MAGI1: variants seen among roughly 807,000 people sequenced by gnomAD.
MAGI1 encodes membrane-associated guanylate kinase, WW and PDZ domain-containing protein 1.
Under a neutral mutation model 139.9 loss-of-function variants are expected in MAGI1, and 58 were observed. The observed-to-expected ratio is 0.41, with a 90% CI of 0.34 to 0.52. The LOEUF (loss-of-function observed/expected upper bound fraction) is 0.52. Ranked by LOEUF, MAGI1 falls within the 20% of genes least tolerant of loss-of-function variation. The probability of loss-of-function intolerance (pLI) is 0.12; values close to 1 mark genes in which losing one functional copy is unlikely to be tolerated. For synonymous variants in MAGI1, 812 were observed against 737.9 expected, an observed-to-expected ratio of 1.10 and a Z score of -1.63; for missense variants, 1,874 against 1,901.6, an observed-to-expected ratio of 0.99 and a Z score of 0.27.
chr3:65,978,829 G>A (rs1235742305), intron 1 of MAGI1, among the ~76,000 whole-genome samples: 1 of 151,854 alleles, frequency 6.6e-6, no homozygotes, highest in Non-Finnish European at 1.5e-5. Flanking sequence ...GTCTCATCAT[G>A]TTGGCCAGGC....
intron 11 of MAGI1, 138 bp downstream of exon 11, chr3:65,430,561 A>C: frequency 1.2e-6 from 1 of 830,632 alleles, no homozygotes; most frequent in Non-Finnish European, 1.9e-6. Context: ...CTCATTCTCA[A>C]GGTGTTTAAA....
chr3:65,984,076 C>CTG (rs1560081299), intron 1 of MAGI1, among the ~76,000 whole-genome samples: 1 of 152,102 alleles, frequency 6.6e-6, no homozygotes, highest in Non-Finnish European at 1.5e-5. Flanking sequence ...GGTGGATCAC[C>CTG]TGAGGTCAGG....
At chr3:65,750,451 A>C (rs2036053926) in intron 1 of MAGI1, among the ~76,000 whole-genome samples, 1 of 152,240 alleles carries the variant, frequency 6.6e-6, no homozygotes, top group Non-Finnish European at 1.5e-5. Context: ...CTGTAGAATG[A>C]GTTCACAAAG....
intron 2 of MAGI1, among the ~76,000 whole-genome samples, chr3:65,603,687 T>A (rs767905192): frequency 1.2e-4 from 19 of 152,234 alleles, no homozygotes; most frequent in Non-Finnish European, 1.8e-4. Context: ...TCTTTCTTTG[T>A]GTTGCTATAA....
intron 1 of MAGI1, among the ~76,000 whole-genome samples, chr3:65,646,130 T>C (rs1387923695): frequency 3.9e-5 from 6 of 151,916 alleles, no homozygotes; most frequent in Admixed American, 6.6e-5. Context: ...TTTAAAAACA[T>C]AACCCAACTA....
At chr3:66,033,890 T>C (rs1054341327) in intron 1 of MAGI1, among the ~76,000 whole-genome samples, 4 of 152,288 alleles carry the variant, frequency 2.6e-5, no homozygotes, top group Admixed American at 6.5e-5. Context: ...GGGTGATTCA[T>C]GGAAACAAAG....
intron 2 of MAGI1, among the ~76,000 whole-genome samples, chr3:65,511,161 AC>A (rs1448347831): frequency 6.6e-6 from 1 of 150,472 alleles, no homozygotes; most frequent in Non-Finnish European, 1.5e-5. Context: ...GAAGCGCTAA[AC>A]ATGGAAAGGA....
intron 1 of MAGI1, among the ~76,000 whole-genome samples, chr3:65,908,261 T>C (rs2061516664): frequency 6.6e-6 from 1 of 152,092 alleles, no homozygotes; most frequent in Admixed American, 6.5e-5. Context: ...TTCCTGGTGT[T>C]GAACACTCTT....
At chr3:66,018,729 C>T (rs748866324) in intron 1 of MAGI1, among the ~76,000 whole-genome samples, 1 of 152,208 alleles carries the variant, frequency 6.6e-6, no homozygotes, top group Non-Finnish European at 1.5e-5. Flanking sequence ...CTTAATCAGC[C>T]ACCTGAGCTC....
At chr3:65,766,716 C>T (rs1162563385) in intron 1 of MAGI1, among the ~76,000 whole-genome samples, 1 of 151,898 alleles carries the variant, frequency 6.6e-6, no homozygotes, top group African/African-American at 2.4e-5. Context: ...CTGGTGAAAC[C>T]CTGTCTCTAC....
chr3:65,356,840 G>A lies in MAGI1; in HGVS notation c.3927C>T (p.Ala1309=), dbSNP rs748431740. ...RAPEGRRDAQ[A]ERAAAANGPK... ...GGCCGTTGGCGGCTGCCGCGCGCTC[G>A]GCCTGCGCGTCCCTCCGTCCCTCCG... is the stretch of plus-strand genomic sequence containing the variant. Residue 1309 remains alanine (A), a synonymous_variant, in exon 23 of 23, where the codon GCC becomes GCT. Coordinates refer to ENST00000402939, the MANE Select transcript of MAGI1 (RefSeq NM_001033057.2). The A allele has an allele frequency of 1.9e-6, 3 of 1,612,926 alleles. No homozygotes were observed. Among genetic ancestry groups the A allele is most frequent in the East Asian group, 2.2e-5 (1 of 44,810 alleles).
chr3:65,996,826 C>T (rs2066475318), intron 1 of MAGI1, among the ~76,000 whole-genome samples: 1 of 152,232 alleles, frequency 6.6e-6, no homozygotes. Context: ...AATCAACACC[C>T]TGAACTGAAG....
At chr3:65,891,218 A>G (rs866991520) in intron 1 of MAGI1, among the ~76,000 whole-genome samples, 1 of 151,514 alleles carries the variant, frequency 6.6e-6, no homozygotes, top group Admixed American at 6.6e-5. Context: ...ACACACACAA[A>G]AAAAAAAAAA....
intron 16 of MAGI1, among the ~76,000 whole-genome samples, chr3:65,380,394 C>T (rs76282015): frequency 0.046 from 6,939 of 152,236 alleles, 646 homozygotes; most frequent in East Asian, 0.31. Context: ...TTTAAGCATA[C>T]AGTTGAGTGG....
chr3:65,430,574 T>G (rs1947381455), intron 11 of MAGI1, 125 bp downstream of exon 11: 4 of 972,854 alleles, frequency 4.1e-6, no homozygotes, highest in Non-Finnish European at 6.1e-6. Context: ...TGTTTAAAGC[T>G]GTAAACATGT....
At position 65,478,673 on chromosome 3, in the gene MAGI1, T is replaced by C; in HGVS notation, c.676A>G (p.Asn226Asp). Residue 226 changes from asparagine (N) to aspartate (D), a missense_variant, in exon 4 of 23, where the codon AAT (asparagine) becomes GAT (aspartate). Physicochemically the swap from Asn to Asp is conservative, Grantham distance 23. Coordinates refer to ENST00000402939, the MANE Select transcript of MAGI1 (RefSeq NM_001033057.2). ...QSTPKRTKSY[N>D]DMQNAGIVHA... ...ACTATGCCAGCATTTTGCATATCAT[T>C]GTAGGACTTGGTTCGCTTCGGGGTC... The C allele has an allele frequency of 1.2e-6, 2 of 1,614,050 alleles. No homozygotes were observed. The highest frequency in any genetic ancestry group is 8.5e-7 in the Non-Finnish European group (1 of 1,179,992).
At chr3:65,396,903 C>T (rs571236922) in intron 13 of MAGI1, among the ~76,000 whole-genome samples, 2 of 151,912 alleles carry the variant, frequency 1.3e-5, no homozygotes, top group East Asian at 1.9e-4. Flanking sequence ...AAAAGGTGGG[C>T]GAGAGGAGTT....
At chr3:65,466,546 T>C (rs1009838893) in intron 5 of MAGI1, among the ~76,000 whole-genome samples, 1 of 151,986 alleles carries the variant, frequency 6.6e-6, no homozygotes, top group Non-Finnish European at 1.5e-5. Flanking sequence ...CTGGGAGGGG[T>C]AGGACTATCT....
intron 1 of MAGI1, among the ~76,000 whole-genome samples, chr3:65,969,657 T>C (rs2064929751): frequency 6.6e-6 from 1 of 152,202 alleles, no homozygotes; most frequent in Non-Finnish European, 1.5e-5. Context: ...TCTTTACCAC[T>C]GCTATAGGGC....
Sources: allele counts gnomAD v4.1 joint callset (sites outside exome capture counted in the v4.1 genomes callset), GRCh38; gene constraint gnomAD v4.1.1; transcripts MANE v1.5; gene names NCBI Gene and HGNC (gene_info 2026-07-23, HGNC 2026-07-21).